SMIM8: variants seen among roughly 807,000 people sequenced by gnomAD.
SMIM8 encodes the protein small integral membrane protein 8.
A neutral mutation model predicts 8.1 loss-of-function variants in SMIM8; 8 were observed. The ratio of observed to expected loss-of-function variants is 0.99; its 90% confidence interval spans 0.58 to 1.78. The LOEUF (loss-of-function observed/expected upper bound fraction) is 1.78. Ranked by LOEUF, SMIM8 falls within the 40% of genes most tolerant of loss-of-function variation. SMIM8 has a pLI of 0.00. For synonymous variants in SMIM8, 45 were observed against 39.7 expected (o/e 1.13, Z -0.50); for missense variants, 126 against 119.8 (o/e 1.05, Z -0.24).
At chr6:87,330,121 A>T (rs906535736) in intron 1 of SMIM8, among the ~76,000 whole-genome samples, 7 of 152,208 alleles carry the variant, frequency 4.6e-5, no homozygotes, top group African/African-American at 1.2e-4. Flanking sequence ...AAACTAATTT[A>T]AATTATTTTT....
At chr6:87,329,440 A>G (rs1436133992) in intron 1 of SMIM8, among the ~76,000 whole-genome samples, 1 of 151,982 alleles carries the variant, frequency 6.6e-6, no homozygotes, top group African/African-American at 2.4e-5. Flanking sequence ...ACACCCAGCT[A>G]ATTTTTGTAT....
chr6:87,337,670 C>T (rs529174800), intron 3 of SMIM8, among the ~76,000 whole-genome samples: 3 of 152,232 alleles, frequency 2.0e-5, no homozygotes, highest in Non-Finnish European at 4.4e-5. Context: ...GTTCTGTCAC[C>T]TAGGCTGTAG....
At chr6:87,330,614 T>G (rs1776971242) in intron 1 of SMIM8, 78 bp from the exon 2 acceptor site, 1 of 152,194 alleles carries the variant, frequency 6.6e-6, no homozygotes, top group African/African-American at 2.4e-5. Flanking sequence ...GAGATGTAAA[T>G]GACTCTCATG....
intron 2 of SMIM8, among the ~76,000 whole-genome samples, chr6:87,334,040 G>A (rs1777049726): frequency 6.6e-6 from 1 of 152,176 alleles, no homozygotes; most frequent in Non-Finnish European, 1.5e-5. Context: ...GGTGAGACAG[G>A]AAGCAAGAGG....
chr6:87,335,618 G>A (rs1302312234), intron 2 of SMIM8, among the ~76,000 whole-genome samples: 1 of 152,034 alleles, frequency 6.6e-6, no homozygotes, highest in East Asian at 1.9e-4. Context: ...ATTTTGAAAA[G>A]CCAAGTTCCT....
rs139215257 is a variant in SMIM8 at position 87,340,251 on chromosome 6, C to T, written c.271C>T (p.Arg91Trp). 1.6e-3 allele frequency: 2,561 copies of T among 1,600,588 alleles called. 37 individuals carry two copies. In the African/African-American group the frequency reaches 0.027, roughly 17 times the overall value. The change falls in exon 4 of 4, where the codon CGG becomes TGG. Residue 91 changes from arginine to tryptophan, a missense_variant. Coordinates refer to ENST00000392863, the MANE Select transcript of SMIM8 (RefSeq NM_001042493.3). ...TAGTGAGGGGCACAGTTATATGAGG[C>T]GGAAAACATCCAAATGGGATTAGTA... is the stretch of plus-strand genomic sequence containing the variant. ...IDSEGHSYMR[R>W]KTSKWD
At position 87,340,827 on chromosome 6, in the gene SMIM8, GTT is replaced by G. The variant is rs1777217499; in HGVS notation, c.*555_*556del. On this transcript the variant is annotated 3_prime_UTR_variant, in exon 4 of 4. Transcript: ENST00000392863. ...TGTCACAAATGGTTCATATATTTCA[GTT>G]TCCATTTTAGCTATTTTTGGGACAG... 1 of 152,882 alleles carries G rather than the reference GTT, an allele frequency of 6.5e-6. No individual in the cohort carries two copies. The highest frequency in any genetic ancestry group is 2.4e-5 in the African/African-American group (1 of 41,384). The allele number at this position is 152,882 out of a possible 1,614,324, so 9.5% of individuals were successfully genotyped here. A position where few individuals can be genotyped will look rare whatever the true frequency, so the allele number is the denominator to read the frequency against.
rs181905451 is a variant in SMIM8, at chr6:87,338,794, C to A, written c.136-1322C>A. Reference sequence around the variant, plus strand: ...TACATTGACCTAAGAAAGACCAACTCGTTGAGTGTGAACATGCAAAGAAAA... The same window carrying A: ...TACATTGACCTAAGAAAGACCAACTAGTTGAGTGTGAACATGCAAAGAAAA... On this transcript the variant is annotated intron_variant, in intron 3 of 3. Coordinates refer to ENST00000392863, the MANE Select transcript of SMIM8 (RefSeq NM_001042493.3). 2.1e-3 allele frequency among the ~76,000 whole-genome samples: 319 copies of A among 151,922 alleles called. 1 individual carries two copies. The highest frequency in any genetic ancestry group is 5.3e-3 in the African/African-American group (220 of 41,406).
At chr6:87,338,894 TG>T (rs1356939019) in intron 3 of SMIM8, among the ~76,000 whole-genome samples, 1 of 150,860 alleles carries the variant, frequency 6.6e-6, no homozygotes, top group African/African-American at 2.4e-5. Flanking sequence ...ACATCTTTCC[TG>T]TATTTAAAAG....
chr6:87,325,599 C>T (rs1287223727), intron 1 of SMIM8, among the ~76,000 whole-genome samples: 4 of 150,960 alleles, frequency 2.6e-5, no homozygotes, highest in African/African-American at 9.8e-5. Flanking sequence ...ACCAGCCTTG[C>T]ATCCCAGGGA....
chr6:87,339,436 TTGTGTG>T (rs150051963), intron 3 of SMIM8, among the ~76,000 whole-genome samples: 61,261 of 113,114 alleles, frequency 0.54, 13,426 homozygotes, highest in Middle Eastern at 0.56. Flanking sequence ...GTGTGTGTGT[TTGTGTG>T]TGTGTGTGTG....
chr6:87,330,363 G>A (rs1407174998), intron 1 of SMIM8, among the ~76,000 whole-genome samples: 1 of 152,094 alleles, frequency 6.6e-6, no homozygotes, highest in African/African-American at 2.4e-5. Flanking sequence ...TAAAATGTAT[G>A]TTTGAAGATT....
At position 87,340,842 on chromosome 6, in the gene SMIM8, A is replaced by G. The variant is rs1217764315; in HGVS notation, c.*568A>G. On this transcript the variant is annotated 3_prime_UTR_variant, in exon 4 of 4. Transcript: ENST00000392863. ...ATATATTTCAGTTTCCATTTTAGCT[A>G]TTTTTGGGACAGAATTTTATTTTAA... The G allele has an allele frequency of 5.9e-5, 9 of 153,472 alleles. No homozygotes were observed. The highest frequency in any genetic ancestry group is 1.4e-5 in the Non-Finnish European group (1 of 69,090). 9.5% of individuals were successfully genotyped at this position (153,472 alleles called of 1,614,324 possible). A position where few individuals can be genotyped will look rare whatever the true frequency, so the allele number is the denominator to read the frequency against.
chr6:87,333,615 A>C (rs1247853665), intron 2 of SMIM8, among the ~76,000 whole-genome samples: 1 of 152,242 alleles, frequency 6.6e-6, no homozygotes, highest in Non-Finnish European at 1.5e-5. Context: ...GCCACAACAA[A>C]GGAGAAATAG....
rs1418586358 is a variant in SMIM8, at chr6:87,341,499, AC to A, written c.*1227del. On this transcript the variant is annotated 3_prime_UTR_variant, in exon 4 of 4. Coordinates refer to ENST00000392863, the MANE Select transcript of SMIM8 (RefSeq NM_001042493.3). The stretch of plus-strand genomic sequence containing the variant: ...GGACCCGTTTCATTTCTAGATATAT[AC>A]CTAATTCTCCAAATCATTGTCATTG... 5 of 387,658 alleles carry A rather than the reference AC, an allele frequency of 1.3e-5. No homozygotes were observed. Among genetic ancestry groups the A allele is most frequent in the African/African-American group, 6.2e-5 (3 of 48,356 alleles). 24.0% of individuals were successfully genotyped at this position (387,658 alleles called of 1,614,324 possible).
At chr6:87,337,912 G>A (rs1291120375) in intron 3 of SMIM8, among the ~76,000 whole-genome samples, 1 of 152,144 alleles carries the variant, frequency 6.6e-6, no homozygotes, top group Non-Finnish European at 1.5e-5. Context: ...ACAGGCATGA[G>A]CCACCACGCC....
intron 1 of SMIM8, among the ~76,000 whole-genome samples, chr6:87,327,936 T>C (rs1776872487): frequency 1.3e-5 from 2 of 150,272 alleles, no homozygotes. Context: ...CCATATTTCT[T>C]GGAGGCTTTG....
Position 87,330,680 on chromosome 6 carries a change from C to T in SMIM8, c.-44-12C>T, listed in dbSNP as rs1055511058. 6.6e-6 allele frequency: 1 copy of T among 151,920 alleles called. No homozygotes were observed. Among genetic ancestry groups the T allele is most frequent in the Non-Finnish European group, 1.5e-5 (1 of 67,982 alleles). The allele number at this position is 151,920 out of a possible 1,614,324, so 9.4% of individuals were successfully genotyped here. ...TGCTTCTTCCTTTTTCCATTGCACG[C>T]TTCCGTCACAGGAGGATGGACAGAA... On this transcript the variant is annotated splice_polypyrimidine_tract_variant and intron_variant, in intron 1 of 3. Transcript: ENST00000392863.
At position 87,337,118 on chromosome 6, in the gene SMIM8, CACA is replaced by C; in HGVS notation, c.93_95del (p.Thr32del). 1 of 1,613,060 alleles carries C rather than the reference CACA, an allele frequency of 6.2e-7. No individual in the cohort carries two copies. Among genetic ancestry groups the C allele is most frequent in the Non-Finnish European group, 8.5e-7 (1 of 1,179,376 alleles). ...AAAGCCCAGGGCTCAGAGGGGTGCG[CACA>C]ACAACCTTATTTCGTGCTGTGAATC... On this transcript the variant is annotated inframe_deletion, in exon 3 of 4. Transcript: ENST00000392863.
Sources: allele counts gnomAD v4.1 joint callset (sites outside exome capture counted in the v4.1 genomes callset), GRCh38; gene constraint gnomAD v4.1.1; transcripts MANE v1.5; gene names NCBI Gene and HGNC (gene_info 2026-07-23, HGNC 2026-07-21).